The following DMD variants were observed in gnomAD, a reference collection of about 807,000 sequenced individuals.
The protein encoded by DMD is mutant dystrophin.
DMD carries 63 observed loss-of-function variants against 330.1 expected under a neutral mutation model. The observed-to-expected ratio is 0.19, with a 90% CI of 0.16 to 0.24. The LOEUF (loss-of-function observed/expected upper bound fraction) is 0.24. Ranked by LOEUF, DMD falls within the 10% of genes least tolerant of loss-of-function variation. The probability of loss-of-function intolerance (pLI) is 1.00; values close to 1 mark genes in which losing one functional copy is unlikely to be tolerated. For missense variants in DMD, 3,344 were observed against 2,684.1 expected (o/e 1.25, Z -5.43); for synonymous variants, 1,223 against 959.8 (o/e 1.27, Z -5.07).
At chrX:32,726,269 T>G (rs1330586282) in intron 7 of DMD, among the ~76,000 whole-genome samples, 4 of 111,350 alleles carry the variant, frequency 3.6e-5, no homozygotes, top group South Asian at 3.7e-4. Flanking sequence ...ACAATGTAGC[T>G]TATCAATGTC....
intron 62 of DMD, among the ~76,000 whole-genome samples, chrX:31,269,332 C>G (rs758782103): frequency 7.8e-4 from 87 of 111,185 alleles, no homozygotes; most frequent in African/African-American, 2.8e-3. Flanking sequence ...GTTTCTTCTT[C>G]TCCTCCTTCT....
intron 1 of DMD, among the ~76,000 whole-genome samples, chrX:33,032,904 T>C (rs949662542): frequency 6.2e-5 from 7 of 112,229 alleles, no homozygotes; most frequent in African/African-American, 1.9e-4. Context: ...CCAGTGTTTA[T>C]GAAAGATCAA....
intron 4 of DMD, among the ~76,000 whole-genome samples, chrX:32,833,595 A>G (rs2079337398): frequency 9.3e-6 from 1 of 107,629 alleles, no homozygotes; most frequent in Non-Finnish European, 1.9e-5. Flanking sequence ...GTAATTACGT[A>G]TCTTTTATCT....
At chrX:32,010,920 T>TA (rs1229607188) in intron 44 of DMD, among the ~76,000 whole-genome samples, 1 of 112,224 alleles carries the variant, frequency 8.9e-6, no homozygotes, top group Non-Finnish European at 1.9e-5. Flanking sequence ...CATGAACAAC[T>TA]AAAAAACCCC....
Position 31,836,747 on chromosome X carries a change from T to C in DMD, c.7171A>G (p.Lys2391Glu). 1 of 1,211,925 alleles carries C rather than the reference T, an allele frequency of 8.3e-7. No individual in the cohort carries two copies. Among genetic ancestry groups the C allele is most frequent in the Non-Finnish European group, 1.1e-6 (1 of 895,365 alleles). ...EILSKGQHLYKEKPATQPVKR... is the reference protein window; with the variant it reads ...EILSKGQHLYEEKPATQPVKR... ...ACTGGCTGAGTGGCTGGTTTTTCCTTGTACAAATGCTGCCCTTTAGACAAA... is the reference window on the plus strand; with the variant it reads ...ACTGGCTGAGTGGCTGGTTTTTCCTCGTACAAATGCTGCCCTTTAGACAAA... The change falls in exon 49 of 79, where the codon AAG becomes GAG. Residue 2391 changes from lysine to glutamate, a missense_variant. By Grantham distance (56) the Lys-to-Glu change is moderately conservative (BLOSUM62 1). Coordinates refer to ENST00000357033, the MANE Select transcript of DMD (RefSeq NM_004006.3).
chrX:31,729,738 T>C lies in DMD; in HGVS notation c.7553A>G (p.Gln2518Arg), dbSNP rs1242923274. Residue 2518 changes from glutamine (Q) to arginine (R), a missense_variant, in exon 52 of 79, where the codon CAG becomes CGG. By Grantham distance (43) the Gln-to-Arg change is conservative. Coordinates refer to ENST00000357033, the MANE Select transcript of DMD (RefSeq NM_004006.3). ...CTGGGGACGCCTCTGTTCCAAATCC[T>C]GCATTGTTGCCTGTAAGAACAAATA... ...EMIIKQKATMQDLEQRRPQLE... is the reference protein window; with the variant it reads ...EMIIKQKATMRDLEQRRPQLE... 3 of 1,205,910 alleles carry C rather than the reference T, an allele frequency of 2.5e-6. No individual in the cohort carries two copies. In the African/African-American group the frequency reaches 5.2e-5, roughly 21 times the overall value.
At chrX:32,881,592 C>T (rs1260117736) in intron 2 of DMD, among the ~76,000 whole-genome samples, 1 of 112,089 alleles carries the variant, frequency 8.9e-6, no homozygotes, top group Non-Finnish European at 1.9e-5. Context: ...TTGAAAAATT[C>T]AAGAGGGCAA....
Position 32,827,063 on chromosome X carries a change from C to CACACACA in DMD, c.265-3677_265-3676insTGTGTGT, listed in dbSNP as rs1557061569. 1.6e-3 allele frequency among the ~76,000 whole-genome samples: 83 copies of CACACACA among 50,774 alleles called. 2 individuals are homozygous for CACACACA. Among genetic ancestry groups the CACACACA allele is most frequent in the Non-Finnish European group, 3.0e-3 (74 of 25,028 alleles). 44.1% of individuals were successfully genotyped at this position (50,774 alleles called of 115,157 possible). On this transcript the variant is annotated intron_variant, in intron 4 of 78. Coordinates refer to ENST00000357033, the MANE Select transcript of DMD (RefSeq NM_004006.3). The stretch of plus-strand genomic sequence containing the variant: ...CATTGGAACACACATCGCACCCCCC[C>CACACACA]CCCACACACACACACACACAGCAGC...
At chrX:32,727,736 C>T (rs1347732295) in intron 7 of DMD, among the ~76,000 whole-genome samples, 3 of 110,480 alleles carry the variant, frequency 2.7e-5, no homozygotes, top group African/African-American at 1.0e-4. Flanking sequence ...TATATACACA[C>T]ATATACATGT....
At chrX:33,075,262 C>G (rs1353778483) in intron 1 of DMD, among the ~76,000 whole-genome samples, 1 of 111,930 alleles carries the variant, frequency 8.9e-6, no homozygotes, top group Non-Finnish European at 1.9e-5. Context: ...TGCCCACAGT[C>G]CTATGATTGC....
At chrX:31,461,498 C>T (rs1322175017) in intron 59 of DMD, among the ~76,000 whole-genome samples, 1 of 111,753 alleles carries the variant, frequency 8.9e-6, no homozygotes, top group Non-Finnish European at 1.9e-5. Flanking sequence ...TCAATGATGT[C>T]TGGACATGTC....
chrX:31,160,429 T>C (rs2038671212), intron 74 of DMD, among the ~76,000 whole-genome samples: 2 of 111,730 alleles, frequency 1.8e-5, no homozygotes, highest in African/African-American at 6.5e-5. Context: ...AGCTTTATCT[T>C]CTGATGTTCC....
intron 55 of DMD, among the ~76,000 whole-genome samples, chrX:31,568,541 C>G (rs2041078639): frequency 9.0e-6 from 1 of 111,712 alleles, no homozygotes; most frequent in Admixed American, 9.5e-5. Context: ...ATTTTCTTTG[C>G]AATGAAGCCT....
At chrX:32,349,492 AC>A (rs2097774658) in intron 37 of DMD, among the ~76,000 whole-genome samples, 1 of 110,617 alleles carries the variant, frequency 9.0e-6, no homozygotes, top group African/African-American at 3.3e-5. Flanking sequence ...TTCAGGAATG[AC>A]CCCCGTGTCT....
chrX:31,207,417 G>T (rs774673784), intron 65 of DMD, among the ~76,000 whole-genome samples: 1 of 110,793 alleles, frequency 9.0e-6, no homozygotes, highest in Non-Finnish European at 1.9e-5. Flanking sequence ...TTTATCCATG[G>T]GGGAAAAAAA....
Position 31,929,842 on chromosome X carries a change from G to A in DMD, c.6763-97C>T, listed in dbSNP as rs72466596. ...ATTGATTAGTCTATCAAAATGAAGC[G>A]ACTTGACCGAGGGCCCAGTGGTACC... On this transcript the variant is annotated intron_variant, in intron 46 of 78. Coordinates refer to ENST00000357033, the MANE Select transcript of DMD (RefSeq NM_004006.3). 9.5e-4 allele frequency: 1,010 copies of A among 1,059,312 alleles called. 3 individuals carry two copies. The highest frequency in any genetic ancestry group is 8.2e-3 in the African/African-American group (443 of 53,919). 87.3% of individuals were successfully genotyped at this position (1,059,312 alleles called of 1,213,427 possible).
chrX:32,862,691 T>C (rs1488022497), intron 2 of DMD, among the ~76,000 whole-genome samples: 1 of 111,828 alleles, frequency 8.9e-6, no homozygotes, highest in Non-Finnish European at 1.9e-5. Context: ...ATGATTATAC[T>C]AATTACACCA....
At chrX:32,356,153 TC>T (rs2097798596) in intron 37 of DMD, among the ~76,000 whole-genome samples, 1 of 110,002 alleles carries the variant, frequency 9.1e-6, no homozygotes, top group Admixed American at 9.8e-5. Flanking sequence ...ATCATTTATT[TC>T]CCACCGAAGT....
rs182739468 is a variant in DMD, at chrX:32,052,082, A to G, written c.6439-83568T>C. 2.0e-4 allele frequency among the ~76,000 whole-genome samples: 22 copies of G among 112,407 alleles called. No individual in the cohort carries two copies. The East Asian group carries it at 6.2e-3, about 32-fold the overall frequency. Reference sequence around the variant, plus strand: ...TGCTTTTCTGCAAGTGCAGTATAAAAGTATGAAAAATAGGATGGAGTAACA... The same window carrying G: ...TGCTTTTCTGCAAGTGCAGTATAAAGGTATGAAAAATAGGATGGAGTAACA... On this transcript the variant is annotated intron_variant, in intron 44 of 78. Transcript: ENST00000357033.
Sources: allele counts gnomAD v4.1 joint callset (sites outside exome capture counted in the v4.1 genomes callset), GRCh38; gene constraint gnomAD v4.1.1; transcripts MANE v1.5; gene names NCBI Gene and HGNC (gene_info 2026-07-23, HGNC 2026-07-21).